Variants in ASIC2 observed in about 807,000 individuals in gnomAD.
The protein encoded by ASIC2 is acid sensing ion channel subunit 2.
A neutral mutation model predicts 57.3 loss-of-function variants in ASIC2; 25 were observed. The observed-to-expected ratio is 0.44, with a 90% CI of 0.32 to 0.61. The LOEUF is 0.61. Among genes scored for constraint, ASIC2 ranks in the 20% least tolerant of loss-of-function variants. ASIC2 has a pLI of 0.06. For synonymous variants in ASIC2, 319 were observed against 307.5 expected (o/e 1.04, Z -0.39); for missense variants, 641 against 738.1 (o/e 0.87, Z 1.52).
At chr17:33,442,187 G>T (rs1158092678) in intron 1 of ASIC2, among the ~76,000 whole-genome samples, 1 of 152,162 alleles carries the variant, frequency 6.6e-6, no homozygotes, top group Non-Finnish European at 1.5e-5. Context: ...TGGATTTATA[G>T]TATGTTTTGA....
chr17:33,567,841 G>C (rs774901859), intron 1 of ASIC2, among the ~76,000 whole-genome samples: 3 of 151,942 alleles, frequency 2.0e-5, no homozygotes, highest in Non-Finnish European at 4.4e-5. Flanking sequence ...GACTCCTTGA[G>C]GGGAGATTCC....
chr17:34,127,354 CTA>C (rs1911818244), intron 1 of ASIC2, among the ~76,000 whole-genome samples: 1 of 152,108 alleles, frequency 6.6e-6, no homozygotes, highest in Admixed American at 6.5e-5. Context: ...ATTCTGAACT[CTA>C]TAAAGCAAAA....
chr17:33,450,802 C>A (rs1244406164), intron 1 of ASIC2, among the ~76,000 whole-genome samples: 2 of 152,166 alleles, frequency 1.3e-5, no homozygotes, highest in African/African-American at 4.8e-5. Context: ...ATATAATGTA[C>A]CCCTCAGTCA....
chr17:33,830,715 G>C (rs10468579), intron 1 of ASIC2, among the ~76,000 whole-genome samples: 2 of 151,586 alleles, frequency 1.3e-5, no homozygotes, highest in African/African-American at 2.4e-5. Flanking sequence ...CCCTCCCCTT[G>C]CCCCCTACCC....
chr17:33,390,893 A>G (rs542784630), intron 1 of ASIC2, among the ~76,000 whole-genome samples: 1 of 152,330 alleles, frequency 6.6e-6, no homozygotes, highest in Admixed American at 6.5e-5. Context: ...ACTCAAGGCT[A>G]ACCCACACTC....
intron 1 of ASIC2, among the ~76,000 whole-genome samples, chr17:33,417,099 G>C (rs1015219368): frequency 2.6e-5 from 4 of 152,150 alleles, no homozygotes; most frequent in African/African-American, 7.2e-5. Context: ...ACTGAGGCTC[G>C]TGTTCCTCTA....
At chr17:33,269,418 C>G (rs1033130167) in intron 1 of ASIC2, among the ~76,000 whole-genome samples, 1 of 152,130 alleles carries the variant, frequency 6.6e-6, no homozygotes, top group Admixed American at 6.5e-5. Flanking sequence ...AAATGACACC[C>G]CCATCAATAG....
In ASIC2 at chr17:34,039,853, C is replaced by T. The variant is rs377200924; in HGVS notation, c.555+116125G>A. On this transcript the variant is annotated intron_variant, in intron 1 of 9. Coordinates refer to the ASIC2 transcript ENST00000359872. ...TAATTTCTGCCGTCGTGGGTCCAGG[C>T]TATGCAATTCTTCCATCATTTCTAC... 421 of 1,605,636 alleles carry T rather than the reference C, an allele frequency of 2.6e-4. 2 individuals carry two copies. In the African/African-American group the frequency reaches 3.9e-3, roughly 15 times the overall value.
At chr17:33,181,967 C>T (rs1906001718) in intron 1 of ASIC2, among the ~76,000 whole-genome samples, 1 of 152,170 alleles carries the variant, frequency 6.6e-6, no homozygotes, top group Non-Finnish European at 1.5e-5. Context: ...GTGTAGAACC[C>T]TGCAGTGACT....
intron 1 of ASIC2, among the ~76,000 whole-genome samples, chr17:34,144,688 A>G (rs924037092): frequency 2.6e-5 from 4 of 152,198 alleles, no homozygotes; most frequent in African/African-American, 4.8e-5. Flanking sequence ...AGTAATTTGT[A>G]CAAGGTCAGG....
intron 1 of ASIC2, among the ~76,000 whole-genome samples, chr17:33,381,733 T>C (rs1338827006): frequency 1.3e-5 from 2 of 152,160 alleles, no homozygotes; most frequent in African/African-American, 4.8e-5. Flanking sequence ...CCTATGATCA[T>C]AAAGGATATT....
intron 1 of ASIC2, chr17:34,003,958 G>C (rs1277240115): frequency 6.6e-6 from 1 of 152,192 alleles, no homozygotes; most frequent in Non-Finnish European, 1.5e-5. Context: ...TCTTAAAACA[G>C]CCAGCATGCA....
chr17:34,087,017 T>C (rs973089575), intron 1 of ASIC2, among the ~76,000 whole-genome samples: 2 of 152,202 alleles, frequency 1.3e-5, no homozygotes, highest in African/African-American at 4.8e-5. Flanking sequence ...TGTCTTTTAA[T>C]TGGAGCATTT....
intron 1 of ASIC2, among the ~76,000 whole-genome samples, chr17:33,158,352 C>T (rs1419696322): frequency 3.9e-5 from 6 of 152,174 alleles, no homozygotes; most frequent in Non-Finnish European, 7.3e-5. Flanking sequence ...TTCTGAGCAG[C>T]GGCTAGTGAA....
Position 33,166,670 on chromosome 17 carries a change from G to A in ASIC2, c.709-54603C>T, listed in dbSNP as rs537174397. On this transcript the variant is annotated intron_variant, in intron 1 of 9. Transcript: ENST00000225823. ...TCCTGGCCTCATCCTTGCAGTGACT[G>A]GAAGGAGGTGGGTTGCAGGGAAGTA... Among the ~76,000 whole-genome samples the A allele has an allele frequency of 2.0e-5, 3 of 152,296 alleles. No homozygotes were observed. In the South Asian group the frequency reaches 6.2e-4, roughly 32 times the overall value.
At chr17:34,147,302 A>G (rs1912446519) in intron 1 of ASIC2, among the ~76,000 whole-genome samples, 1 of 152,222 alleles carries the variant, frequency 6.6e-6, no homozygotes, top group Non-Finnish European at 1.5e-5. Flanking sequence ...CTAAATCTAC[A>G]GAGGTCATAA....
chr17:33,594,755 G>A (rs2142006662), intron 1 of ASIC2, among the ~76,000 whole-genome samples: 1 of 152,074 alleles, frequency 6.6e-6, no homozygotes, highest in African/African-American at 2.4e-5. Context: ...GTGAACCCGG[G>A]AGGTGGAGCT....
At chr17:34,102,191 G>A (rs1367214042) in intron 1 of ASIC2, among the ~76,000 whole-genome samples, 10 of 151,934 alleles carry the variant, frequency 6.6e-5, no homozygotes, top group Admixed American at 5.9e-4. Flanking sequence ...TTAACCGGGT[G>A]TGGTGGTGGG....
intron 1 of ASIC2, among the ~76,000 whole-genome samples, chr17:33,526,577 A>G (rs1914889842): frequency 6.6e-6 from 1 of 152,144 alleles, no homozygotes; most frequent in Admixed American, 6.5e-5. Flanking sequence ...TATGCCCAAC[A>G]CAGAGTAGGC....
Sources: allele counts gnomAD v4.1 joint callset (sites outside exome capture counted in the v4.1 genomes callset), GRCh38; gene constraint gnomAD v4.1.1; transcripts MANE v1.5; gene names NCBI Gene and HGNC (gene_info 2026-07-23, HGNC 2026-07-21).